Variants in NOTCH2 observed in about 807,000 individuals in gnomAD.
The protein encoded by NOTCH2 is neurogenic locus notch homolog protein 2.
A neutral mutation model predicts 235.8 loss-of-function variants in NOTCH2; 29 were observed. The ratio of observed to expected loss-of-function variants is 0.12; its 90% confidence interval spans 0.09 to 0.17. NOTCH2 has a LOEUF of 0.17. Ranked by LOEUF, NOTCH2 falls within the 10% of genes least tolerant of loss-of-function variation. The pLI is 1.00. For synonymous variants in NOTCH2, 1,086 were observed against 1,141.5 expected (o/e 0.95, Z 0.98); for missense variants, 2,285 against 3,150.2 (o/e 0.73, Z 6.57).
At position 120,069,584 on chromosome 1, in the gene NOTCH2, T is replaced by G; in HGVS notation, c.-178A>C. On this transcript the variant is annotated 5_prime_UTR_variant, in exon 1 of 34. Transcript: ENST00000256646. ...ATGCCTCGACTCCCCGCGCCCCGAGTCCGCCGCTCCTCGGCCGCCGCCTCA... is the reference window on the plus strand; with the variant it reads ...ATGCCTCGACTCCCCGCGCCCCGAGGCCGCCGCTCCTCGGCCGCCGCCTCA... 4 of 1,405,552 alleles carry G rather than the reference T, an allele frequency of 2.8e-6. No individual in the cohort carries two copies. The highest frequency in any genetic ancestry group is 2.8e-6 in the Non-Finnish European group (3 of 1,089,142). 87.1% of individuals were successfully genotyped at this position (1,405,552 alleles called of 1,614,324 possible).
intron 1 of NOTCH2, among the ~76,000 whole-genome samples, chr1:120,035,493 T>C (rs327208): frequency 0.17 from 25,420 of 151,962 alleles, 2,984 homozygotes; most frequent in African/African-American, 0.32. Flanking sequence ...CCCTCTTTAC[T>C]GAACAGATCG....
At chr1:119,924,912 T>C (rs2101160914) in intron 25 of NOTCH2, among the ~76,000 whole-genome samples, 1 of 152,342 alleles carries the variant, frequency 6.6e-6, no homozygotes, top group Admixed American at 6.5e-5. Flanking sequence ...TCATGCTTCC[T>C]GATAAATCTA....
intron 1 of NOTCH2, among the ~76,000 whole-genome samples, chr1:120,060,468 T>C (rs1553216020): frequency 6.7e-6 from 1 of 149,246 alleles, no homozygotes; most frequent in African/African-American, 2.4e-5. Flanking sequence ...TATATATATA[T>C]ATAAAAATAA....
At position 119,911,641 on chromosome 1, in the gene NOTCH2, C is replaced by T. The variant is rs1398938563; in HGVS notation, c.*3665G>A. On this transcript the variant is annotated 3_prime_UTR_variant, in exon 34 of 34. Coordinates refer to ENST00000256646, the MANE Select transcript of NOTCH2 (RefSeq NM_024408.4). ...TATACACAAAATATTATTTTATAAT[C>T]CTGTATATTAAGTTCTACACAAATT... is the stretch of plus-strand genomic sequence containing the variant. 1 of 232,522 alleles carries T rather than the reference C, an allele frequency of 4.3e-6. No homozygotes were observed. The highest frequency in any genetic ancestry group is 8.5e-6 in the Non-Finnish European group (1 of 117,750). The allele number at this position is 232,522 out of a possible 1,614,324, so 14.4% of individuals were successfully genotyped here. A position where few individuals can be genotyped will look rare whatever the true frequency, so the allele number is the denominator to read the frequency against.
Position 120,037,930 on chromosome 1 carries a change from A to G in NOTCH2, c.74-7943T>C, listed in dbSNP as rs587733011. On this transcript the variant is annotated intron_variant, in intron 1 of 33. Transcript: ENST00000256646. Reference sequence around the variant, plus strand: ...CAACTTATAAATGAATATTTTTTGTATTACTAATAGACTTTTCATACTATA... The same window carrying G: ...CAACTTATAAATGAATATTTTTTGTGTTACTAATAGACTTTTCATACTATA... Among the ~76,000 whole-genome samples the G allele has an allele frequency of 9.9e-5, 15 of 152,198 alleles. 2 individuals are homozygous for G. Among genetic ancestry groups the G allele is most frequent in the African/African-American group, 3.6e-4 (15 of 41,542 alleles).
At position 119,925,461 on chromosome 1, in the gene NOTCH2, C is replaced by T. The variant is rs587650323; in HGVS notation, c.4355G>A (p.Gly1452Glu). 110 of 1,614,186 alleles carry T rather than the reference C, an allele frequency of 6.8e-5. 1 individual carries two copies. The South Asian group carries it at 1.1e-3, about 16-fold the overall frequency. The change falls in exon 25 of 34, where the codon GGG (glycine) becomes GAG (glutamate). Residue 1452 changes from glycine (G) to glutamate (E), a missense_variant. This residue lies in a region of NOTCH2 where 1,173 missense variants were observed against 1,515.3 expected (regional missense o/e 0.77). Coordinates refer to ENST00000256646, the MANE Select transcript of NOTCH2 (RefSeq NM_024408.4). ...CTCCATGGTGAGAGAACAGTCACCCCCATCCCACTGGCAGGCATGGCTGTT... is the reference window on the plus strand; with the variant it reads ...CTCCATGGTGAGAGAACAGTCACCCTCATCCCACTGGCAGGCATGGCTGTT... ...ACNSHACQWD[G>E]GDCSLTMENP... is the part of the protein sequence containing the mutation.
At position 119,915,496 on chromosome 1, in the gene NOTCH2, T is replaced by G; in HGVS notation, c.7226A>C (p.Gln2409Pro). ...TGGTGTCAGGTAGGGATGCTCACCC[T>G]GGAGGTGACCACTGTGACTGGGTGT... ...ERTPSHSGHLQGEHPYLTPSP... is the reference protein window; with the variant it reads ...ERTPSHSGHLPGEHPYLTPSP... The change falls in exon 34 of 34, where the codon CAG becomes CCG. Residue 2409 changes from glutamine (Q) to proline (P), a missense_variant. Gln to Pro is a moderately conservative substitution (Grantham distance 76). This residue lies in a region of NOTCH2 where 504 missense variants were observed against 538.0 expected (regional missense o/e 0.94). Transcript: ENST00000256646. The G allele has an allele frequency of 6.2e-7, 1 of 1,614,108 alleles. No individual in the cohort carries two copies. The highest frequency in any genetic ancestry group is 8.5e-7 in the Non-Finnish European group (1 of 1,179,990).
At chr1:119,969,923 T>C (rs1289364735) in intron 5 of NOTCH2, among the ~76,000 whole-genome samples, 179 bp from the exon 6 acceptor site, 10 of 152,186 alleles carry the variant, frequency 6.6e-5, no homozygotes, top group African/African-American at 2.4e-4. Context: ...AATGATATTT[T>C]TTCCAGGCAA....
intron 11 of NOTCH2, 136 bp from the exon 12 acceptor site, chr1:119,959,638 T>C: frequency 1.4e-6 from 1 of 698,950 alleles, no homozygotes; most frequent in South Asian, 1.5e-5. Context: ...GCAGAAGTTC[T>C]CAAAATGCAG....
At chr1:119,963,248 GA>G (rs1368075383) in intron 11 of NOTCH2, among the ~76,000 whole-genome samples, 3 of 151,338 alleles carry the variant, frequency 2.0e-5, no homozygotes, top group South Asian at 4.2e-4. Flanking sequence ...GGAACTTAAA[GA>G]AAAAAAGATA....
chr1:119,969,728 C>G lies in NOTCH2; in HGVS notation c.891G>C (p.Glu297Asp). ...PPQWTGQFCT[E>D]DVDECLLQPN... ...GCTGCAGCAGGCATTCATCCACATC[C>G]TCTGTGCAGAACTGTCCTTTTAGGG... The change falls in exon 6 of 34, where the codon GAG becomes GAC. Residue 297 changes from glutamate (E) to aspartate (D), a missense_variant. By Grantham distance (45) the Glu-to-Asp change is conservative. This residue lies in a region of NOTCH2 where 431 missense variants were observed against 757.8 expected (regional missense o/e 0.57). Coordinates refer to ENST00000256646, the MANE Select transcript of NOTCH2 (RefSeq NM_024408.4). 1 of 1,614,118 alleles carries G rather than the reference C, an allele frequency of 6.2e-7. No homozygotes were observed. Among genetic ancestry groups the G allele is most frequent in the Non-Finnish European group, 8.5e-7 (1 of 1,179,964 alleles).
intron 21 of NOTCH2, among the ~76,000 whole-genome samples, chr1:119,935,891 A>T (rs1553195682): frequency 6.6e-6 from 1 of 152,242 alleles, no homozygotes; most frequent in Non-Finnish European, 1.5e-5. Context: ...ACTTGTGTGC[A>T]AACCTTTTGT....
chr1:119,954,973 C>A, intron 13 of NOTCH2, 67 bp downstream of exon 13: 31 of 1,530,946 alleles, frequency 2.0e-5, no homozygotes, highest in Non-Finnish European at 2.5e-5. Context: ...CAGGCTGTCA[C>A]CAGTACTACA....
intron 20 of NOTCH2, 149 bp from the exon 21 acceptor site, chr1:119,937,615 T>A (rs1312584839): frequency 1.2e-6 from 1 of 838,588 alleles, no homozygotes; most frequent in East Asian, 2.6e-5. Context: ...CAGATGCATA[T>A]TAAAAATAAA....
chr1:119,930,520 T>G (rs1553194953), intron 22 of NOTCH2, among the ~76,000 whole-genome samples: 1 of 151,898 alleles, frequency 6.6e-6, no homozygotes, highest in Admixed American at 6.6e-5. Flanking sequence ...GGCTCACACC[T>G]GTAATCCCAG....
intron 1 of NOTCH2, among the ~76,000 whole-genome samples, chr1:120,067,234 C>G (rs1378419986): frequency 7.1e-6 from 1 of 141,190 alleles, no homozygotes; most frequent in Non-Finnish European, 1.5e-5. Flanking sequence ...AGATTTGTAC[C>G]GAGAAACGGC....
rs745697811 is a variant in NOTCH2, at chr1:119,916,619, T to G, written c.6103A>C (p.Asn2035His). Residue 2035 changes from asparagine (N) to histidine (H), a missense_variant, in exon 34 of 34, where the codon AAT becomes CAT. Asn to His is a moderately conservative substitution (Grantham distance 68). This residue lies in a region of NOTCH2 where 128 missense variants were observed against 255.9 expected (regional missense o/e 0.50). Transcript: ENST00000256646. ...AAKILLDHFA[N>H]RDITDHMDRL... ...TCCATATGGTCTGTGATGTCTCGAT[T>G]GGCAAAATGGTCTAACAGGATCTTG... 5 of 1,614,060 alleles carry G rather than the reference T, an allele frequency of 3.1e-6. No homozygotes were observed. The highest frequency in any genetic ancestry group is 1.3e-5 in the African/African-American group (1 of 74,912).
intron 4 of NOTCH2, chr1:119,995,309 A>G (rs1652397971): frequency 6.7e-6 from 1 of 148,322 alleles, no homozygotes; most frequent in Non-Finnish European, 1.5e-5. Flanking sequence ...AACTTCCTTT[A>G]TTGACTTCTC....
chr1:120,069,482 G>C lies in NOTCH2; in HGVS notation c.-76C>G, dbSNP rs1655679519. ...CACATGGGGAGGGGGTCCCGATAGAGGAGCCCCACTCTCTCCTCCCCTCCT... is the reference window on the plus strand; with the variant it reads ...CACATGGGGAGGGGGTCCCGATAGACGAGCCCCACTCTCTCCTCCCCTCCT... On this transcript the variant is annotated 5_prime_UTR_variant, in exon 1 of 34. Coordinates refer to ENST00000256646, the MANE Select transcript of NOTCH2 (RefSeq NM_024408.4). 2 of 1,493,964 alleles carry C rather than the reference G, an allele frequency of 1.3e-6. No homozygotes were observed. The highest frequency in any genetic ancestry group is 2.9e-5 in the African/African-American group (2 of 68,600). The allele number at this position is 1,493,964 out of a possible 1,614,324, so 92.5% of individuals were successfully genotyped here. A position where few individuals can be genotyped will look rare whatever the true frequency, so the allele number is the denominator to read the frequency against.
Sources: allele counts gnomAD v4.1 joint callset (sites outside exome capture counted in the v4.1 genomes callset), GRCh38; gene constraint gnomAD v4.1.1; regional missense constraint gnomAD v4.1.1; transcripts MANE v1.5; gene names NCBI Gene and HGNC (gene_info 2026-07-23, HGNC 2026-07-21).